PACRG: variants seen among roughly 807,000 people sequenced by gnomAD.
PACRG encodes parkin coregulated.
Under a neutral mutation model 29.7 loss-of-function variants are expected in PACRG, and 29 were observed. The observed-to-expected ratio is 0.98, with a 90% CI of 0.73 to 1.33. PACRG has a LOEUF of 1.33. Among genes scored for constraint, PACRG ranks in the 40% most tolerant of loss-of-function variants. The pLI is 0.00. For synonymous variants in PACRG, 116 were observed against 118.7 expected (o/e 0.98, Z 0.15); for missense variants, 279 against 316.2 (o/e 0.88, Z 0.89).
At position 162,728,379 on chromosome 6, in the gene PACRG, GA is replaced by G. The variant is rs1198054506; in HGVS notation, c.149del (p.Asn50ThrfsTer4). 6.2e-7 allele frequency: 1 copy of G among 1,612,308 alleles called. No homozygotes were observed. The highest frequency in any genetic ancestry group is 8.5e-7 in the Non-Finnish European group (1 of 1,179,972). ...SEGFTVKAMM[K>X]NSVVRGPPAA... ...AGGGTTTCACAGTCAAAGCCATGAT[GA>G]AAAACTCAGTCGTAAGTGATCTTCC... On this transcript the variant is annotated frameshift_variant, in exon 1 of 5. Coordinates refer to ENST00000366888, the MANE Select transcript of PACRG (RefSeq NM_001080379.2). LOFTEE classifies it high-confidence loss of function.
At chr6:163,044,170 C>CTTTTTT (rs368372180) in intron 2 of PACRG, among the ~76,000 whole-genome samples, 1 of 139,978 alleles carries the variant, frequency 7.1e-6, no homozygotes, top group Non-Finnish European at 1.5e-5. Flanking sequence ...AAACAGATGA[C>CTTTTTT]TTTTTTTTTT....
At position 163,031,020 on chromosome 6, in the gene PACRG, A is replaced by T. The variant is rs1013012094; in HGVS notation, c.292-31130A>T. Among the ~76,000 whole-genome samples, 3 of 152,176 alleles carry T rather than the reference A, an allele frequency of 2.0e-5. No homozygotes were observed. In the East Asian group the frequency reaches 5.8e-4, roughly 29 times the overall value. ...TTCTTCAAGCTGAATAGGCGCAATG[A>T]TATTCCTGCCTAACTTCTAGGGTCT... On this transcript the variant is annotated intron_variant, in intron 2 of 4. Coordinates refer to ENST00000366888, the MANE Select transcript of PACRG (RefSeq NM_001080379.2).
At chr6:162,822,750 T>C (rs1787945866) in intron 2 of PACRG, among the ~76,000 whole-genome samples, 2 of 152,190 alleles carry the variant, frequency 1.3e-5, no homozygotes, top group Admixed American at 1.3e-4. Context: ...AACTTTCATG[T>C]ACATAAAACA....
chr6:162,862,284 C>T lies in PACRG; in HGVS notation c.291+48003C>T, dbSNP rs145119211. ...GGATTATAGGGGCGAAGGAGAAAGACGGGCAAAGCTTCTGTCATGTCATTA... is the reference window on the plus strand; with the variant it reads ...GGATTATAGGGGCGAAGGAGAAAGATGGGCAAAGCTTCTGTCATGTCATTA... On this transcript the variant is annotated intron_variant, in intron 2 of 4. Transcript: ENST00000366888. Among the ~76,000 whole-genome samples, 9 of 152,274 alleles carry T rather than the reference C, an allele frequency of 5.9e-5. No homozygotes were observed. In the East Asian group the frequency reaches 7.7e-4, roughly 13 times the overall value.
rs372593029 is a variant in PACRG, at chr6:163,092,678, A to T, written c.613+3270A>T. Among the ~76,000 whole-genome samples the T allele has an allele frequency of 2.4e-4, 36 of 152,306 alleles. No individual in the cohort carries two copies. The East Asian group carries it at 6.6e-3, about 28-fold the overall frequency. On this transcript the variant is annotated intron_variant, in intron 4 of 4. Transcript: ENST00000366888. ...TCTGTCTACACAAGATATGCATCGT[A>T]ACAACTTTTCATTAGGGTGGGCATA...
rs1052422276 is a variant in PACRG, at chr6:162,899,043, G to A, written c.291+84762G>A. Among the ~76,000 whole-genome samples the A allele has an allele frequency of 1.5e-4, 23 of 152,234 alleles. 1 individual carries two copies. The highest frequency in any genetic ancestry group is 5.1e-4 in the African/African-American group (21 of 41,540). On this transcript the variant is annotated intron_variant, in intron 2 of 4. Transcript: ENST00000366888. Reference sequence around the variant, plus strand: ...TAAATATAAATACCTGTTTAATTCCGAGGGTGGTTATATCCTAGGACAAAG... The same window carrying A: ...TAAATATAAATACCTGTTTAATTCCAAGGGTGGTTATATCCTAGGACAAAG...
intron 2 of PACRG, among the ~76,000 whole-genome samples, chr6:162,854,877 G>A (rs1354615712): frequency 2.0e-5 from 3 of 152,210 alleles, no homozygotes; most frequent in Non-Finnish European, 2.9e-5. Context: ...TTTCACATGG[G>A]TAGTCCCTTT....
intron 4 of PACRG, among the ~76,000 whole-genome samples, chr6:163,272,986 G>C (rs1465120541): frequency 1.5e-5 from 2 of 135,894 alleles, no homozygotes; most frequent in Admixed American, 1.5e-4. Context: ...CCGCCTCCCG[G>C]GTTCACGCCA....
intron 4 of PACRG, among the ~76,000 whole-genome samples, chr6:163,280,239 CT>C (rs1367008394): frequency 3.9e-5 from 6 of 152,194 alleles, no homozygotes; most frequent in Non-Finnish European, 7.3e-5. Flanking sequence ...TGTGTTGTTG[CT>C]GCCGTGTCCT....
At chr6:163,201,689 C>A (rs999584028) in intron 4 of PACRG, among the ~76,000 whole-genome samples, 1 of 152,254 alleles carries the variant, frequency 6.6e-6, no homozygotes, top group African/African-American at 2.4e-5. Flanking sequence ...GCGTAAGAAC[C>A]TGCGCTTGGT....
At chr6:163,033,822 C>T (rs1482726363) in intron 2 of PACRG, among the ~76,000 whole-genome samples, 3 of 152,158 alleles carry the variant, frequency 2.0e-5, no homozygotes, top group Admixed American at 6.5e-5. Context: ...AGTGTTTTTT[C>T]AGGGACCTGT....
chr6:162,746,684 C>T (rs1427291309), intron 1 of PACRG, among the ~76,000 whole-genome samples: 1 of 152,174 alleles, frequency 6.6e-6, no homozygotes, highest in Non-Finnish European at 1.5e-5. Context: ...CCCCTCCCCT[C>T]GGTGCTTTGC....
At chr6:162,832,068 T>C (rs1788821499) in intron 2 of PACRG, among the ~76,000 whole-genome samples, 1 of 152,190 alleles carries the variant, frequency 6.6e-6, no homozygotes, top group South Asian at 2.1e-4. Context: ...CTCTAGGTCT[T>C]TGAGGAATCA....
chr6:162,852,005 G>GAGGAAGGAAGGAAGGAAGGAAGGAAGGA (rs749750362), intron 2 of PACRG, among the ~76,000 whole-genome samples: 1 of 116,032 alleles, frequency 8.6e-6, no homozygotes, highest in African/African-American at 3.4e-5. Context: ...GGGAGGGAGG[G>GAGGAAGGAAGGAAGGAAGGAAGGAAGGA]AGGAAGGAAG....
chr6:162,899,057 C>T (rs1210719925), intron 2 of PACRG, among the ~76,000 whole-genome samples: 1 of 152,100 alleles, frequency 6.6e-6, no homozygotes, highest in Admixed American at 6.5e-5. Context: ...GTGGTTATAT[C>T]CTAGGACAAA....
Position 163,055,654 on chromosome 6 carries a change from ATTG to A in PACRG, c.292-6493_292-6491del, listed in dbSNP as rs1186404486. 2.0e-5 allele frequency among the ~76,000 whole-genome samples: 3 copies of A among 152,084 alleles called. No individual in the cohort carries two copies. Among genetic ancestry groups the A allele is most frequent in the East Asian group, 1.9e-4 (1 of 5,184 alleles). On this transcript the variant is annotated intron_variant, in intron 2 of 4. Transcript: ENST00000366888. This position sits in a 1 kb window ranked among gnomAD's most constrained non-coding sequence, Gnocchi z 4.0. ...ATTATTTTGTTGTTATTTGTTTTTT[ATTG>A]TTTTATTTTTTCTTTGGCATTTTTA... is the stretch of plus-strand genomic sequence containing the variant.
chr6:163,220,061 T>A (rs1781517397), intron 4 of PACRG, among the ~76,000 whole-genome samples: 1 of 152,202 alleles, frequency 6.6e-6, no homozygotes, highest in Non-Finnish European at 1.5e-5. Flanking sequence ...TCTTTCTCCC[T>A]AGCATGTGAG....
chr6:162,802,092 A>G (rs1440804266), intron 1 of PACRG, among the ~76,000 whole-genome samples: 1 of 152,074 alleles, frequency 6.6e-6, no homozygotes, highest in Non-Finnish European at 1.5e-5. Flanking sequence ...GCAGAATTCT[A>G]TATATTTTTT....
chr6:162,845,015 T>G (rs987898655), intron 2 of PACRG, among the ~76,000 whole-genome samples: 3 of 152,216 alleles, frequency 2.0e-5, no homozygotes, highest in Non-Finnish European at 4.4e-5. Flanking sequence ...ATGTGCTTTT[T>G]GTCAAATAAT....
Sources: allele counts gnomAD v4.1 joint callset (sites outside exome capture counted in the v4.1 genomes callset), GRCh38; gene constraint gnomAD v4.1.1; non-coding constraint Gnocchi (gnomAD v3.1); transcripts MANE v1.5; gene names NCBI Gene and HGNC (gene_info 2026-07-23, HGNC 2026-07-21).